Variants in PPM1H observed in about 807,000 individuals in gnomAD.
The protein encoded by PPM1H is protein phosphatase 1H.
PPM1H carries 27 observed loss-of-function variants against 54.9 expected under a neutral mutation model. The ratio of observed to expected loss-of-function variants is 0.49; its 90% confidence interval spans 0.36 to 0.68. The LOEUF (loss-of-function observed/expected upper bound fraction) is 0.68. Among genes scored for constraint, PPM1H ranks in the 30% least tolerant of loss-of-function variants. The probability of loss-of-function intolerance (pLI) is 0.00; values close to 1 mark genes in which losing one functional copy is unlikely to be tolerated. For missense variants in PPM1H, 596 were observed against 667.8 expected (o/e 0.89, Z 1.19); for synonymous variants, 305 against 270.8 (o/e 1.13, Z -1.24).
chr12:62,752,887 A>T (rs969756702), intron 4 of PPM1H, among the ~76,000 whole-genome samples: 1 of 152,198 alleles, frequency 6.6e-6, no homozygotes. Flanking sequence ...AAGGACGATG[A>T]TGCTATTAAC....
At chr12:62,783,758 A>T (rs1345411203) in intron 4 of PPM1H, among the ~76,000 whole-genome samples, 1 of 152,240 alleles carries the variant, frequency 6.6e-6, no homozygotes, top group African/African-American at 2.4e-5. Context: ...CAAGAGTAGA[A>T]TTATGAATTT....
At chr12:62,904,826 T>C (rs1316540141) in intron 1 of PPM1H, among the ~76,000 whole-genome samples, 1 of 152,164 alleles carries the variant, frequency 6.6e-6, no homozygotes, top group Non-Finnish European at 1.5e-5. Context: ...AAAATCAGTA[T>C]CTTAGTATAT....
chr12:62,824,952 G>C (rs1383510945), intron 2 of PPM1H, among the ~76,000 whole-genome samples: 2 of 152,060 alleles, frequency 1.3e-5, no homozygotes, highest in Non-Finnish European at 2.9e-5. Context: ...ACTACCATCA[G>C]AGTGAACAGA....
chr12:62,764,818 C>T (rs1438458947), intron 4 of PPM1H, among the ~76,000 whole-genome samples: 1 of 152,168 alleles, frequency 6.6e-6, no homozygotes, highest in African/African-American at 2.4e-5. Context: ...AAAGGACTGG[C>T]ACGGGGGGCC....
intron 4 of PPM1H, among the ~76,000 whole-genome samples, chr12:62,764,059 C>T (rs192841207): frequency 2.6e-5 from 4 of 152,274 alleles, no homozygotes; most frequent in East Asian, 1.9e-4. Context: ...TGCTCCATGC[C>T]GTGGGGACCA....
intron 5 of PPM1H, among the ~76,000 whole-genome samples, chr12:62,726,889 G>A (rs1266690669): frequency 1.3e-5 from 2 of 152,124 alleles, no homozygotes; most frequent in Non-Finnish European, 2.9e-5. Context: ...TGTTGGGGCA[G>A]GAATTTGCTA....
At chr12:62,673,955 G>T (rs1348910060) in intron 8 of PPM1H, among the ~76,000 whole-genome samples, 1 of 151,786 alleles carries the variant, frequency 6.6e-6, no homozygotes, top group African/African-American at 2.4e-5. Context: ...GAGCTCAAGA[G>T]ATCTGCCCAC....
At chr12:62,835,526 G>A (rs371833361) in intron 1 of PPM1H, among the ~76,000 whole-genome samples, 2 of 152,118 alleles carry the variant, frequency 1.3e-5, no homozygotes, top group African/African-American at 2.4e-5. Context: ...AACAATTACT[G>A]GTGCCCTTAC....
chr12:62,906,447 G>A (rs973587542), intron 1 of PPM1H, among the ~76,000 whole-genome samples: 26 of 152,090 alleles, frequency 1.7e-4, no homozygotes, highest in Non-Finnish European at 2.8e-4. Flanking sequence ...GAGTTAAGTC[G>A]GTAATCCATG....
At chr12:62,902,777 G>A (rs1652134999) in intron 1 of PPM1H, among the ~76,000 whole-genome samples, 1 of 152,192 alleles carries the variant, frequency 6.6e-6, no homozygotes, top group Non-Finnish European at 1.5e-5. Context: ...AATAGGTTGA[G>A]GCTCTCATGA....
chr12:62,917,617 A>C (rs527808575), intron 1 of PPM1H, among the ~76,000 whole-genome samples: 1 of 152,370 alleles, frequency 6.6e-6, no homozygotes, highest in African/African-American at 2.4e-5. Context: ...ATTTCAAATC[A>C]TCCTTTCTGG....
intron 6 of PPM1H, among the ~76,000 whole-genome samples, chr12:62,695,446 G>A (rs372616282): frequency 4.6e-5 from 7 of 152,290 alleles, no homozygotes; most frequent in African/African-American, 1.7e-4. Flanking sequence ...TTAGCACTGT[G>A]CCTGGCAAAA....
intron 9 of PPM1H, among the ~76,000 whole-genome samples, chr12:62,653,062 T>C (rs1477193077): frequency 6.6e-6 from 1 of 152,244 alleles, no homozygotes; most frequent in Non-Finnish European, 1.5e-5. Context: ...TTATTCTGCT[T>C]ACTTCTGACT....
At chr12:62,756,360 A>C in intron 4 of PPM1H, 1 of 451,170 alleles carries the variant, frequency 2.2e-6, no homozygotes, top group Non-Finnish European at 4.1e-6. Context: ...TTCCATGTAG[A>C]CCCCCTGAAA....
At chr12:62,789,369 A>T (rs1161058087) in intron 3 of PPM1H, among the ~76,000 whole-genome samples, 1 of 152,222 alleles carries the variant, frequency 6.6e-6, no homozygotes, top group Non-Finnish European at 1.5e-5. Context: ...TTACAGAAAG[A>T]TGTCTTCTAT....
chr12:62,929,481 GACA>G (rs1297405386), intron 1 of PPM1H, among the ~76,000 whole-genome samples: 5 of 152,262 alleles, frequency 3.3e-5, no homozygotes, highest in African/African-American at 1.2e-4. Flanking sequence ...TGTATTTTTA[GACA>G]ACAATTCCAG....
At chr12:62,773,175 A>AAAACC (rs1468911911) in intron 4 of PPM1H, among the ~76,000 whole-genome samples, 1 of 152,108 alleles carries the variant, frequency 6.6e-6, no homozygotes, top group African/African-American at 2.4e-5. Context: ...AAAACAAAAC[A>AAAACC]AAACACAAAG....
chr12:62,782,032 T>G (rs1049591705), intron 4 of PPM1H, among the ~76,000 whole-genome samples: 2 of 152,250 alleles, frequency 1.3e-5, no homozygotes, highest in Admixed American at 6.5e-5. Flanking sequence ...TTTTTTCTGT[T>G]ATTTTTCAAA....
At chr12:62,762,787 G>A (rs538502469) in intron 4 of PPM1H, among the ~76,000 whole-genome samples, 1 of 152,248 alleles carries the variant, frequency 6.6e-6, no homozygotes, top group South Asian at 2.1e-4. Context: ...AATCAATAGG[G>A]ATCTAGCATG....
Sources: allele counts gnomAD v4.1 joint callset (sites outside exome capture counted in the v4.1 genomes callset), GRCh38; gene constraint gnomAD v4.1.1; transcripts MANE v1.5; gene names NCBI Gene and HGNC (gene_info 2026-07-23, HGNC 2026-07-21).